CEP126: variants seen among roughly 807,000 people sequenced by gnomAD.
CEP126 encodes the protein centrosomal protein 126, also known as centrosomal protein of 126 kDa.
CEP126 carries 74 observed loss-of-function variants against 107.8 expected under a neutral mutation model. The observed-to-expected ratio is 0.69, with a 90% CI of 0.57 to 0.83. The LOEUF (loss-of-function observed/expected upper bound fraction) is 0.83. Among genes scored for constraint, CEP126 ranks in the 40% least tolerant of loss-of-function variants. The pLI is 0.00. For missense variants in CEP126, 1,237 were observed against 1,281.9 expected (o/e 0.96, Z 0.53); for synonymous variants, 449 against 446.0 (o/e 1.01, Z -0.08).
Position 101,938,159 on chromosome 11 carries a change from C to CAAAAAAAAAAA in CEP126, c.249-6099_249-6089dup, listed in dbSNP as rs1491167740. Among the ~76,000 whole-genome samples the CAAAAAAAAAAA allele has an allele frequency of 7.8e-3, 304 of 39,210 alleles. 17 individuals are homozygous for CAAAAAAAAAAA. The highest frequency in any genetic ancestry group is 0.019 in the African/African-American group (208 of 10,788). The allele number at this position is 39,210 out of a possible 152,430, so 25.7% of individuals were successfully genotyped here. A position where few individuals can be genotyped will look rare whatever the true frequency, so the allele number is the denominator to read the frequency against. ...TGGGCGACAGAGCGAGACTCTGTCT[C>CAAAAAAAAAAA]AAAAAAAAAAAAAAAAATACAAGAA... On this transcript the variant is annotated intron_variant, in intron 2 of 10. Coordinates refer to ENST00000263468, the MANE Select transcript of CEP126 (RefSeq NM_020802.4).
chr11:101,982,054 T>C lies in CEP126; in HGVS notation c.3034+90T>C, dbSNP rs138259655. The stretch of plus-strand genomic sequence containing the variant: ...TATTCTCAGATGCTAACGTATTATG[T>C]AATTGTTAAAGCACCATTTAAAACC... On this transcript the variant is annotated intron_variant, in intron 8 of 10. Transcript: ENST00000263468. The C allele has an allele frequency of 4.7e-4, 327 of 701,012 alleles. 2 individuals carry two copies. The African/African-American group carries it at 5.3e-3, about 11-fold the overall frequency. The allele number at this position is 701,012 out of a possible 1,614,324, so 43.4% of individuals were successfully genotyped here. A position where few individuals can be genotyped will look rare whatever the true frequency, so the allele number is the denominator to read the frequency against.
intron 1 of CEP126, 109 bp downstream of exon 1, chr11:101,915,521 GT>G: frequency 7.4e-7 from 1 of 1,354,874 alleles, no homozygotes; most frequent in Non-Finnish European, 1.0e-6. Context: ...AAACTAGCAA[GT>G]CATCTTAGTG....
At chr11:101,956,741 C>G (rs1225807669) in intron 4 of CEP126, 6 of 455,002 alleles carry the variant, frequency 1.3e-5, no homozygotes, top group Non-Finnish European at 2.2e-5. Flanking sequence ...TCCAGTTTCT[C>G]CTGTTTCTTC....
intron 5 of CEP126, among the ~76,000 whole-genome samples, chr11:101,958,914 C>T (rs1043800794): frequency 1.3e-5 from 2 of 152,150 alleles, no homozygotes; most frequent in Non-Finnish European, 2.9e-5. Context: ...TGGCAGCTAT[C>T]GTGATGTGCC....
At chr11:101,933,745 A>T (rs947068954) in intron 2 of CEP126, among the ~76,000 whole-genome samples, 4 of 151,926 alleles carry the variant, frequency 2.6e-5, no homozygotes, top group Admixed American at 1.3e-4. Flanking sequence ...ATAAACGCCA[A>T]TCATGTAAAT....
Position 101,962,407 on chromosome 11 carries a change from C to T in CEP126, c.1372C>T (p.Pro458Ser). Residue 458 changes from proline to serine, a missense_variant, in exon 6 of 11, where the codon CCA becomes TCA. Physicochemically the swap from Pro to Ser is moderately conservative, Grantham distance 74. This residue lies in a region of CEP126 where 1,134 missense variants were observed against 1,150.5 expected (regional missense o/e 0.99). Coordinates refer to ENST00000263468, the MANE Select transcript of CEP126 (RefSeq NM_020802.4). ...TACTTCAATTCCTACTTCATGTGTA[C>T]CAGTGGCAACGCCTTTAGTTTTGCC... is the stretch of plus-strand genomic sequence containing the variant. Reference protein sequence around the residue: ...GTTSIPTSCVPVATPLVLPSN... With the variant: ...GTTSIPTSCVSVATPLVLPSN... 1.2e-6 allele frequency: 2 copies of T among 1,613,858 alleles called. No individual in the cohort carries two copies. Among genetic ancestry groups the T allele is most frequent in the Non-Finnish European group, 1.7e-6 (2 of 1,179,880 alleles).
chr11:101,963,007 C>A lies in CEP126; in HGVS notation c.1972C>A (p.Gln658Lys). 1.2e-6 allele frequency: 2 copies of A among 1,613,860 alleles called. No homozygotes were observed. Among genetic ancestry groups the A allele is most frequent in the South Asian group, 2.2e-5 (2 of 90,994 alleles). ...GAAGAATAAAACAGGAACAACTCAA[C>A]AGCATTCTCAACAATTCCACATTCA... Reference protein sequence around the residue: ...SLKNKTGTTQQHSQQFHIQSG... With the variant: ...SLKNKTGTTQKHSQQFHIQSG... Residue 658 changes from glutamine to lysine, a missense_variant, in exon 6 of 11, where the codon CAG becomes AAG. Gln to Lys is a moderately conservative substitution (Grantham distance 53). This residue lies in a region of CEP126 where 1,134 missense variants were observed against 1,150.5 expected (regional missense o/e 0.99). Coordinates refer to ENST00000263468, the MANE Select transcript of CEP126 (RefSeq NM_020802.4).
chr11:101,997,512 A>G, intron 10 of CEP126, 87 bp from the exon 11 acceptor site: 2 of 1,602,130 alleles, frequency 1.2e-6, no homozygotes, highest in East Asian at 4.5e-5. Flanking sequence ...TGTGTTGAAT[A>G]TGCCACTATT....
At chr11:101,984,908 GC>G (rs1591294404) in intron 8 of CEP126, among the ~76,000 whole-genome samples, 1 of 152,192 alleles carries the variant, frequency 6.6e-6, no homozygotes, top group Non-Finnish European at 1.5e-5. Flanking sequence ...AAGATTGGAA[GC>G]CTGCCATTGT....
At chr11:101,943,153 G>A (rs532734412) in intron 2 of CEP126, among the ~76,000 whole-genome samples, 144 of 151,696 alleles carry the variant, frequency 9.5e-4, no homozygotes, top group Middle Eastern at 3.4e-3. Flanking sequence ...AATGGTAAAA[G>A]CAACTTCTTA....
chr11:101,938,159 C>CAAAAAAAA lies in CEP126; in HGVS notation c.249-6096_249-6089dup, dbSNP rs1491167740. On this transcript the variant is annotated intron_variant, in intron 2 of 10. Coordinates refer to ENST00000263468, the MANE Select transcript of CEP126 (RefSeq NM_020802.4). ...TGGGCGACAGAGCGAGACTCTGTCTCAAAAAAAAAAAAAAAAATACAAGAA... is the reference window on the plus strand; with the variant it reads ...TGGGCGACAGAGCGAGACTCTGTCTCAAAAAAAAAAAAAAAAAAAAAAAAATACAAGAA... Among the ~76,000 whole-genome samples the CAAAAAAAA allele has an allele frequency of 7.2e-3, 283 of 39,224 alleles. 29 individuals are homozygous for CAAAAAAAA. Among genetic ancestry groups the CAAAAAAAA allele is most frequent in the East Asian group, 0.018 (19 of 1,064 alleles). 25.7% of individuals were successfully genotyped at this position (39,224 alleles called of 152,430 possible).
In CEP126 at chr11:101,962,495, C is replaced by A. The variant is rs750054737; in HGVS notation, c.1460C>A (p.Ala487Glu). The A allele has an allele frequency of 1.6e-5, 25 of 1,612,888 alleles. No individual in the cohort carries two copies. The highest frequency in any genetic ancestry group is 2.0e-5 in the Non-Finnish European group (24 of 1,179,604). Residue 487 changes from alanine (A) to glutamate (E), a missense_variant, in exon 6 of 11, where the codon GCA (alanine) becomes GAA (glutamate). Around this residue, in one of 3 missense-constraint regions of CEP126, gnomAD observed 1,134 missense variants for 1,150.5 expected, o/e 0.99. Coordinates refer to ENST00000263468, the MANE Select transcript of CEP126 (RefSeq NM_020802.4). The stretch of plus-strand genomic sequence containing the variant: ...AGTATACACATAAAAGAAATTGATG[C>A]AGTGCAGTGTTCTGATAAGTTAGAT... ...KNSIHIKEID[A>E]VQCSDKLDEL...
intron 3 of CEP126, among the ~76,000 whole-genome samples, chr11:101,945,466 A>G (rs922860489): frequency 5.3e-5 from 8 of 152,190 alleles, no homozygotes; most frequent in African/African-American, 1.9e-4. Context: ...GTCCACTTAC[A>G]GTTTTTTTAA....
Position 101,925,432 on chromosome 11 carries a change from T to G in CEP126, c.248+2672T>G, listed in dbSNP as rs189066308. On this transcript the variant is annotated intron_variant, in intron 2 of 10. Transcript: ENST00000263468. ...TTCAACATTATGTCAGGAAAAGAATTTATTTTGTTAATCTGTTCTACCAGT... is the reference window on the plus strand; with the variant it reads ...TTCAACATTATGTCAGGAAAAGAATGTATTTTGTTAATCTGTTCTACCAGT... Among the ~76,000 whole-genome samples the G allele has an allele frequency of 2.2e-3, 329 of 152,050 alleles. 4 individuals are homozygous for G. The East Asian group carries it at 0.025, about 12-fold the overall frequency.
At chr11:101,924,917 A>G (rs1940384853) in intron 2 of CEP126, among the ~76,000 whole-genome samples, 1 of 152,076 alleles carries the variant, frequency 6.6e-6, no homozygotes, top group Non-Finnish European at 1.5e-5. Context: ...AATCACACAC[A>G]TTTTTATTTT....
intron 9 of CEP126, among the ~76,000 whole-genome samples, chr11:101,991,367 C>T (rs1327278039): frequency 6.6e-6 from 1 of 151,742 alleles, no homozygotes; most frequent in Non-Finnish European, 1.5e-5. Flanking sequence ...CAGCATTCGT[C>T]AAAAATTATG....
intron 2 of CEP126, among the ~76,000 whole-genome samples, chr11:101,929,158 T>G (rs1940454071): frequency 6.6e-6 from 1 of 152,248 alleles, no homozygotes; most frequent in Non-Finnish European, 1.5e-5. Flanking sequence ...AGCATTTTTA[T>G]CATGGCTGCT....
chr11:101,979,252 A>G (rs1941228394), intron 7 of CEP126, among the ~76,000 whole-genome samples: 1 of 152,204 alleles, frequency 6.6e-6, no homozygotes. Context: ...GATGAGTTAT[A>G]TAATTCTCAA....
At chr11:101,936,834 T>G (rs192947188) in intron 2 of CEP126, among the ~76,000 whole-genome samples, 168 of 152,308 alleles carry the variant, frequency 1.1e-3, no homozygotes, top group Non-Finnish European at 2.1e-3. Flanking sequence ...TCCCTCTTTT[T>G]TGTCAATATA....
Sources: gnomAD v4.1 joint callset for allele counts (sites outside exome capture counted in the v4.1 genomes callset) on GRCh38, gnomAD v4.1.1 for gene constraint, gnomAD v4.1.1 regional missense constraint, MANE v1.5 for transcripts, NCBI Gene and HGNC (gene_info 2026-07-23, HGNC 2026-07-21) for gene names.